ATP10B: variants seen among roughly 807,000 people sequenced by gnomAD.
The protein encoded by ATP10B is phospholipid-transporting ATPase VB.
In ATP10B, 122 loss-of-function variants were observed where a neutral mutation model predicts 141.2. The observed-to-expected ratio is 0.86, with a 90% CI of 0.75 to 1.00. The LOEUF (loss-of-function observed/expected upper bound fraction) is 1.00, where lower values mean the gene tolerates loss of function less well. Ranked by LOEUF, ATP10B falls within the 50% of genes least tolerant of loss-of-function variation. The pLI, the probability that ATP10B is intolerant of heterozygous loss-of-function variation, is 0.00. For synonymous variants in ATP10B, 685 were observed against 692.0 expected, an observed-to-expected ratio of 0.99 and a Z score of 0.16; for missense variants, 1,876 against 1,825.3, an observed-to-expected ratio of 1.03 and a Z score of -0.51.
At chr5:160,821,252 A>G (rs1295246309) in intron 1 of ATP10B, among the ~76,000 whole-genome samples, 1 of 152,110 alleles carries the variant, frequency 6.6e-6, no homozygotes, top group Non-Finnish European at 1.5e-5. Context: ...GTAACAAGTA[A>G]TTCCATTTAT....
Position 160,785,443 on chromosome 5 carries a change from T to C in ATP10B, c.-331+116A>G, listed in dbSNP as rs139120099. ...GTGTTTTTTTTGTTCTGTTTTGTTT[T>C]GTTTTTTTAATTTAGACTCAGAGGG... is the stretch of plus-strand genomic sequence containing the variant. On this transcript the variant is annotated intron_variant, in intron 2 of 25. Transcript: ENST00000327245. 1,913 of 334,530 alleles carry C rather than the reference T, an allele frequency of 5.7e-3. 20 individuals carry two copies. The highest frequency in any genetic ancestry group is 0.015 in the South Asian group (635 of 41,030). The allele number at this position is 334,530 out of a possible 1,614,324, so 20.7% of individuals were successfully genotyped here.
the ATP10B span, among the ~76,000 whole-genome samples, chr5:160,858,092 A>G: frequency 1.3e-5 from 2 of 151,486 alleles, no homozygotes; most frequent in Admixed American, 6.6e-5. Flanking sequence ...GTATTGTGGA[A>G]TTGTCCATTT....
intron 7 of ATP10B, among the ~76,000 whole-genome samples, chr5:160,660,233 C>T (rs1761815486): frequency 1.3e-5 from 2 of 152,084 alleles, no homozygotes; most frequent in Non-Finnish European, 2.9e-5. Context: ...AATAATCAAC[C>T]CAATAGTAAT....
the ATP10B span, among the ~76,000 whole-genome samples, chr5:160,920,153 G>C: frequency 6.6e-6 from 1 of 152,174 alleles, no homozygotes; most frequent in African/African-American, 2.4e-5. Flanking sequence ...CTGAATAGTG[G>C]TCAAGCACTT....
At chr5:160,799,882 A>C (rs957544186) in intron 1 of ATP10B, among the ~76,000 whole-genome samples, 4 of 152,352 alleles carry the variant, frequency 2.6e-5, no homozygotes, top group Admixed American at 2.0e-4. Context: ...CATCCATTCA[A>C]GATGAAAAGT....
chr5:160,644,320 A>G, intron 8 of ATP10B, 76 bp from the exon 9 acceptor site: 1 of 975,538 alleles, frequency 1.0e-6, no homozygotes, highest in Non-Finnish European at 1.7e-6. Context: ...TCACAGAACT[A>G]GAAGTGGTGA....
intron 1 of ATP10B, among the ~76,000 whole-genome samples, chr5:160,801,177 G>C (rs1263572806): frequency 6.6e-6 from 1 of 152,142 alleles, no homozygotes; most frequent in African/African-American, 2.4e-5. Flanking sequence ...CTGATTCTCT[G>C]TCCACGAAGC....
intron 1 of ATP10B, among the ~76,000 whole-genome samples, chr5:160,819,490 A>G (rs1156693825): frequency 6.6e-6 from 1 of 152,184 alleles, no homozygotes; most frequent in Admixed American, 6.5e-5. Flanking sequence ...CCGAAGGTCC[A>G]AAACTTACTG....
chr5:160,635,517 T>C lies in ATP10B; in HGVS notation c.1128+665A>G, dbSNP rs1759300104. ...TTAATTCGCATTTAAAATAGATTACTCTGCAAGATGAATGGAAAATAATCA... is the reference window on the plus strand; with the variant it reads ...TTAATTCGCATTTAAAATAGATTACCCTGCAAGATGAATGGAAAATAATCA... On this transcript the variant is annotated intron_variant, in intron 11 of 25. Coordinates refer to ENST00000327245, the MANE Select transcript of ATP10B (RefSeq NM_025153.3). Among the ~76,000 whole-genome samples the C allele has an allele frequency of 3.3e-5, 5 of 152,118 alleles. No individual in the cohort carries two copies. In the South Asian group the frequency reaches 1.0e-3, roughly 32 times the overall value.
At chr5:160,820,339 A>G (rs1428695717) in intron 1 of ATP10B, among the ~76,000 whole-genome samples, 3 of 152,014 alleles carry the variant, frequency 2.0e-5, no homozygotes, top group African/African-American at 7.2e-5. Flanking sequence ...GAAATCCAAA[A>G]CCTGAACGGA....
rs146346794 is a variant in ATP10B, at chr5:160,765,032, T to C, written c.-331+20527A>G. On this transcript the variant is annotated intron_variant, in intron 2 of 25. Coordinates refer to ENST00000327245, the MANE Select transcript of ATP10B (RefSeq NM_025153.3). ...TCTAACCAAGGAGGTGAAAGATTTC[T>C]ACAAGGAAAACTACAAAACACTGCT... 5.1e-3 allele frequency among the ~76,000 whole-genome samples: 773 copies of C among 152,276 alleles called. 8 individuals are homozygous for C. The highest frequency in any genetic ancestry group is 0.018 in the African/African-American group (750 of 41,572).
At chr5:160,850,856 T>C (rs1753764045) in intron 1 of ATP10B, among the ~76,000 whole-genome samples, 1 of 152,218 alleles carries the variant, frequency 6.6e-6, no homozygotes, top group African/African-American at 2.4e-5. Flanking sequence ...AAATGAATTT[T>C]CCAAGAATTT....
At chr5:160,811,966 T>C (rs1452484572) in intron 1 of ATP10B, among the ~76,000 whole-genome samples, 1 of 150,662 alleles carries the variant, frequency 6.6e-6, no homozygotes, top group Admixed American at 6.6e-5. Context: ...CCTGTGTTAC[T>C]CCACCCCCAG....
chr5:160,671,821 GTC>G (rs1762723097), intron 6 of ATP10B, among the ~76,000 whole-genome samples: 1 of 151,910 alleles, frequency 6.6e-6, no homozygotes, highest in South Asian at 2.1e-4. Flanking sequence ...ATTTTTCAAA[GTC>G]TCACAAAAAC....
chr5:160,836,219 G>T (rs897139573), intron 1 of ATP10B, among the ~76,000 whole-genome samples: 3 of 152,038 alleles, frequency 2.0e-5, no homozygotes, highest in Non-Finnish European at 2.9e-5. Context: ...TAACAAAATT[G>T]CACTTGTACC....
At chr5:160,716,315 C>G (rs1765656881) in intron 3 of ATP10B, among the ~76,000 whole-genome samples, 1 of 152,134 alleles carries the variant, frequency 6.6e-6, no homozygotes, top group Admixed American at 6.5e-5. Flanking sequence ...GCTGTAAGTA[C>G]TACTATAAGC....
At chr5:160,756,189 A>G (rs1254456419) in intron 2 of ATP10B, among the ~76,000 whole-genome samples, 1 of 151,176 alleles carries the variant, frequency 6.6e-6, no homozygotes, top group African/African-American at 2.4e-5. Context: ...ACCTTTTTTG[A>G]ATCTTAATTA....
chr5:160,764,424 A>C (rs984714340), intron 2 of ATP10B, among the ~76,000 whole-genome samples: 6 of 152,178 alleles, frequency 3.9e-5, no homozygotes, highest in African/African-American at 1.2e-4. Context: ...AAGTCAATAA[A>C]TGTGATACAC....
chr5:160,841,881 T>G (rs1389204601), intron 1 of ATP10B, among the ~76,000 whole-genome samples: 1 of 152,118 alleles, frequency 6.6e-6, no homozygotes, highest in Non-Finnish European at 1.5e-5. Flanking sequence ...CGTGCCACCA[T>G]GCCCAGCTAA....
Sources: allele counts gnomAD v4.1 joint callset (sites outside exome capture counted in the v4.1 genomes callset), GRCh38; gene constraint gnomAD v4.1.1; transcripts MANE v1.5; gene names NCBI Gene and HGNC (gene_info 2026-07-23, HGNC 2026-07-21).